Variants in AEBP2 observed in about 807,000 individuals in gnomAD.
The protein encoded by AEBP2 is AE binding protein 2.
A neutral mutation model predicts 50.8 loss-of-function variants in AEBP2; 10 were observed. The observed-to-expected ratio is 0.20, with a 90% CI of 0.12 to 0.33. The LOEUF (loss-of-function observed/expected upper bound fraction) is 0.33, where lower values mean the gene tolerates loss of function less well. Ranked by LOEUF, AEBP2 falls within the 10% of genes least tolerant of loss-of-function variation. AEBP2 has a pLI of 1.00. For missense variants in AEBP2, 570 were observed against 688.0 expected, an observed-to-expected ratio of 0.83 and a Z score of 1.92; for synonymous variants, 296 against 261.3, an observed-to-expected ratio of 1.13 and a Z score of -1.28.
At chr12:19,423,944 G>C (rs1044270197) in intron 1 of AEBP2, among the ~76,000 whole-genome samples, 1 of 152,190 alleles carries the variant, frequency 6.6e-6, no homozygotes, top group African/African-American at 2.4e-5. Context: ...TTATATATTG[G>C]TCCCAGTATA....
chr12:19,457,669 T>A (rs1948294486), intron 1 of AEBP2: 1 of 1,335,782 alleles, frequency 7.5e-7, no homozygotes, highest in African/African-American at 1.5e-5. Context: ...AGGGGTAGTT[T>A]TCACAACACC....
chr12:19,457,514 C>A, intron 1 of AEBP2: 1 of 1,487,958 alleles, frequency 6.7e-7, no homozygotes, highest in Middle Eastern at 2.3e-4. Flanking sequence ...TCTCAGCAGC[C>A]TCCTTCTCAA....
chr12:19,503,572 T>C (rs1949114148), intron 5 of AEBP2, among the ~76,000 whole-genome samples: 2 of 152,172 alleles, frequency 1.3e-5, no homozygotes, highest in Admixed American at 6.5e-5. Context: ...TTCGATTTCC[T>C]CTTTTCCTAT....
chr12:19,404,438 A>C (rs574562111), intron 1 of AEBP2, among the ~76,000 whole-genome samples: 6 of 152,182 alleles, frequency 3.9e-5, no homozygotes, highest in African/African-American at 1.2e-4. Flanking sequence ...AAAACTCAAC[A>C]GTTTTCTACT....
At chr12:19,405,781 A>G (rs1394566598) in intron 1 of AEBP2, among the ~76,000 whole-genome samples, 2 of 151,992 alleles carry the variant, frequency 1.3e-5, no homozygotes, top group Non-Finnish European at 2.9e-5. Context: ...ATTTATTAAA[A>G]TCAATGAACC....
At chr12:19,413,902 GT>G (rs113571276) in intron 1 of AEBP2, among the ~76,000 whole-genome samples, 36 of 143,474 alleles carry the variant, frequency 2.5e-4, no homozygotes, top group Admixed American at 3.5e-4. Context: ...TTTGTTTTTT[GT>G]TTTTTTTTTT....
At position 19,439,773 on chromosome 12, in the gene AEBP2, C is replaced by G. The variant is rs1445860870; in HGVS notation, c.74C>G (p.Pro25Arg). 1 of 1,515,366 alleles carries G rather than the reference C, an allele frequency of 6.6e-7. No individual in the cohort carries two copies. Among genetic ancestry groups the G allele is most frequent in the Non-Finnish European group, 8.8e-7 (1 of 1,138,634 alleles). 93.9% of individuals were successfully genotyped at this position (1,515,366 alleles called of 1,614,324 possible). A position where few individuals can be genotyped will look rare whatever the true frequency, so the allele number is the denominator to read the frequency against. ...CTGAGCCCTCTGCCCCCCGGCAGCC[C>G]GGGTTCGGCGGCGCGGGGCCGGGCT... is the stretch of plus-strand genomic sequence containing the variant. ...SRLSPLPPGS[P>R]GSAARGRAEP... Residue 25 changes from proline (P) to arginine (R), a missense_variant, in exon 1 of 8, where the codon CCG (proline) becomes CGG (arginine). By Grantham distance (103) the Pro-to-Arg change is moderately radical. Coordinates refer to ENST00000266508, the MANE Select transcript of AEBP2 (RefSeq NM_153207.5).
intron 3 of AEBP2, among the ~76,000 whole-genome samples, chr12:19,481,525 G>A (rs1235407557): frequency 1.0e-4 from 15 of 150,684 alleles, no homozygotes; most frequent in Admixed American, 3.3e-4. Context: ...AGGCTGGAGC[G>A]CAGTGGTACA....
intron 5 of AEBP2, among the ~76,000 whole-genome samples, chr12:19,505,730 C>T (rs1403434315): frequency 2.0e-5 from 3 of 152,100 alleles, no homozygotes; most frequent in African/African-American, 7.2e-5. Context: ...GATGGGAAGC[C>T]ATTGAAGGGG....
At chr12:19,490,347 T>G (rs1948879326) in intron 3 of AEBP2, among the ~76,000 whole-genome samples, 1 of 152,166 alleles carries the variant, frequency 6.6e-6, no homozygotes, top group South Asian at 2.1e-4. Flanking sequence ...ATTAGGGTAA[T>G]TAAACACTCT....
upstream of AEBP2, among the ~76,000 whole-genome samples, chr12:19,436,926 G>C (rs1947866616): frequency 6.6e-6 from 1 of 152,074 alleles, no homozygotes; most frequent in African/African-American, 2.4e-5. Context: ...TGAACTAAAG[G>C]AGATTGGAAA....
intron 3 of AEBP2, among the ~76,000 whole-genome samples, chr12:19,478,577 A>G (rs1948684786): frequency 1.3e-5 from 2 of 152,096 alleles, no homozygotes; most frequent in East Asian, 3.9e-4. Context: ...GACGTCAACC[A>G]CCTTGCCTGG....
intron 4 of AEBP2, among the ~76,000 whole-genome samples, chr12:19,499,125 G>A (rs1032715775): frequency 6.6e-6 from 1 of 152,134 alleles, no homozygotes; most frequent in African/African-American, 2.4e-5. Context: ...ATTGAAAATT[G>A]TTACAATAAT....
chr12:19,511,011 T>A (rs1007200849), intron 5 of AEBP2, among the ~76,000 whole-genome samples: 10 of 151,872 alleles, frequency 6.6e-5, no homozygotes, highest in African/African-American at 2.2e-4. Flanking sequence ...CCTGGCTAAT[T>A]TTTTGTATTG....
chr12:19,444,845 A>G (rs938448923), intron 1 of AEBP2, among the ~76,000 whole-genome samples: 1 of 152,174 alleles, frequency 6.6e-6, no homozygotes, highest in Non-Finnish European at 1.5e-5. Context: ...TGAATACTCC[A>G]TTAATTACTA....
At chr12:19,457,186 A>T (rs1039720430) in intron 1 of AEBP2, 1 of 1,597,804 alleles carries the variant, frequency 6.3e-7, no homozygotes, top group African/African-American at 1.3e-5. Flanking sequence ...GTTAACACCG[A>T]CAATTAGTTG....
rs191643226 is a variant in AEBP2, at chr12:19,471,770, G to A, written c.880-1478G>A. 4.6e-5 allele frequency among the ~76,000 whole-genome samples: 7 copies of A among 152,012 alleles called. No individual in the cohort carries two copies. The East Asian group carries it at 1.2e-3, about 25-fold the overall frequency. ...GGTCTCGAACTCCTGAGCTCAAGCC[G>A]TCCCCCTACCTCGGTCTCCCAAAGT... On this transcript the variant is annotated intron_variant, in intron 2 of 7. Transcript: ENST00000266508.
chr12:19,493,680 TG>T, intron 3 of AEBP2, 119 bp from the exon 4 acceptor site: 1 of 951,700 alleles, frequency 1.1e-6, no homozygotes, highest in Non-Finnish European at 1.5e-6. Flanking sequence ...GCTTCCTTTC[TG>T]GAATTAGTTC....
At chr12:19,449,133 T>A (rs1372124761) in intron 1 of AEBP2, among the ~76,000 whole-genome samples, 1 of 152,204 alleles carries the variant, frequency 6.6e-6, no homozygotes, top group Non-Finnish European at 1.5e-5. Context: ...TTGTCAGAAA[T>A]GCATACTGAA....
Sources: allele counts gnomAD v4.1 joint callset (sites outside exome capture counted in the v4.1 genomes callset), GRCh38; gene constraint gnomAD v4.1.1; transcripts MANE v1.5; gene names NCBI Gene and HGNC (gene_info 2026-07-23, HGNC 2026-07-21).